NLGN1: variants seen among roughly 807,000 people sequenced by gnomAD.
The protein encoded by NLGN1 is neuroligin 1, also known as neuroligin-1.
NLGN1 carries 12 observed loss-of-function variants against 65.5 expected under a neutral mutation model. The ratio of observed to expected loss-of-function variants is 0.18; its 90% confidence interval spans 0.12 to 0.30. NLGN1 has a LOEUF of 0.30. Among genes scored for constraint, NLGN1 ranks in the 10% least tolerant of loss-of-function variants. The probability of loss-of-function intolerance (pLI) is 1.00; values close to 1 mark genes in which losing one functional copy is unlikely to be tolerated. For missense variants in NLGN1, 750 were observed against 1,007.1 expected (o/e 0.74, Z 3.46); for synonymous variants, 350 against 359.5 (o/e 0.97, Z 0.30).
chr3:173,968,687 C>CTTTTTTTTTT lies in NLGN1; in HGVS notation c.646+160875_646+160884dup, dbSNP rs34662762. Among the ~76,000 whole-genome samples the CTTTTTTTTTT allele has an allele frequency of 9.4e-4, 56 of 59,474 alleles. 8 individuals carry two copies. The highest frequency in any genetic ancestry group is 3.6e-3 in the African/African-American group (50 of 13,734). 39.0% of individuals were successfully genotyped at this position (59,474 alleles called of 152,430 possible). On this transcript the variant is annotated intron_variant, in intron 4 of 6. Coordinates refer to ENST00000457714, the Ensembl canonical transcript of NLGN1. ...ACACCCCACAATTACTGAAAATAAT[C>CTTTTTTTTTT]TTTTTTTTTTTTTTTTTTTTTTTTT...
intron 2 of NLGN1, among the ~76,000 whole-genome samples, chr3:173,496,041 G>C (rs1165253391): frequency 6.6e-6 from 1 of 151,304 alleles, no homozygotes; most frequent in Non-Finnish European, 1.5e-5. Flanking sequence ...ATCTATGCTT[G>C]TTCTCATCTC....
chr3:174,079,731 T>C (rs1741748821), intron 4 of NLGN1, among the ~76,000 whole-genome samples: 2 of 152,180 alleles, frequency 1.3e-5, no homozygotes, highest in Non-Finnish European at 2.9e-5. Context: ...TTATGTCCTT[T>C]GCAGGAACAT....
At chr3:174,250,991 G>T (rs1443377370) in intron 4 of NLGN1, among the ~76,000 whole-genome samples, 3 of 147,140 alleles carry the variant, frequency 2.0e-5, no homozygotes, top group Middle Eastern at 3.2e-3. Flanking sequence ...ATTGTCAAAC[G>T]TGCACCTATA....
chr3:173,640,936 A>G (rs151196977), intron 3 of NLGN1, among the ~76,000 whole-genome samples: 154 of 152,290 alleles, frequency 1.0e-3, no homozygotes, highest in African/African-American at 3.5e-3. Context: ...TTATGATACT[A>G]TATATTTGAA....
At chr3:173,619,738 T>A (rs1174997998) in intron 3 of NLGN1, among the ~76,000 whole-genome samples, 1 of 152,184 alleles carries the variant, frequency 6.6e-6, no homozygotes, top group Non-Finnish European at 1.5e-5. Context: ...GACTGTGCCC[T>A]TAGCCACTCA....
Position 174,083,141 on chromosome 3 carries a change from A to G in NLGN1, c.647-192174A>G, listed in dbSNP as rs142218375. 3.1e-4 allele frequency among the ~76,000 whole-genome samples: 47 copies of G among 152,314 alleles called. 1 individual carries two copies. Among genetic ancestry groups the G allele is most frequent in the Admixed American group, 3.1e-3 (47 of 15,298 alleles). On this transcript the variant is annotated intron_variant, in intron 4 of 6. Coordinates refer to ENST00000457714, the Ensembl canonical transcript of NLGN1. Reference sequence around the variant, plus strand: ...AATAAATATCAGACATATAACATATATGTTAGAAAATGACATGTATAGTAG... The same window carrying G: ...AATAAATATCAGACATATAACATATGTGTTAGAAAATGACATGTATAGTAG...
chr3:173,925,081 G>T (rs1195839379), intron 4 of NLGN1, among the ~76,000 whole-genome samples: 1 of 152,002 alleles, frequency 6.6e-6, no homozygotes, highest in African/African-American at 2.4e-5. Context: ...ACACAAAATG[G>T]ATCAAACCTA....
At chr3:173,584,326 T>A (rs1457620932) in intron 2 of NLGN1, among the ~76,000 whole-genome samples, 1 of 149,274 alleles carries the variant, frequency 6.7e-6, no homozygotes, top group Admixed American at 6.7e-5. Context: ...ACTAGGGGTA[T>A]CTTTGTACCA....
chr3:174,121,874 G>A (rs1717853096), intron 4 of NLGN1, among the ~76,000 whole-genome samples: 1 of 152,110 alleles, frequency 6.6e-6, no homozygotes, highest in Non-Finnish European at 1.5e-5. Context: ...TTGTAGAGCT[G>A]AGCCTACATG....
chr3:173,899,930 G>A (rs1737022835), intron 4 of NLGN1, among the ~76,000 whole-genome samples: 1 of 152,044 alleles, frequency 6.6e-6, no homozygotes, highest in South Asian at 2.1e-4. Flanking sequence ...TATGAAACAT[G>A]TAAACAAAGA....
chr3:174,052,851 T>C (rs1163741400), intron 4 of NLGN1, among the ~76,000 whole-genome samples: 1 of 152,034 alleles, frequency 6.6e-6, no homozygotes, highest in African/African-American at 2.4e-5. Context: ...TTTGGCTTAA[T>C]CAGTGGATAT....
At chr3:174,140,337 C>T (rs778724226) in intron 4 of NLGN1, among the ~76,000 whole-genome samples, 1 of 152,040 alleles carries the variant, frequency 6.6e-6, no homozygotes, top group African/African-American at 2.4e-5. Flanking sequence ...TTATTTATTT[C>T]ATGCAGAACT....
intron 4 of NLGN1, among the ~76,000 whole-genome samples, chr3:174,049,679 T>C (rs924518286): frequency 1.3e-5 from 2 of 152,116 alleles, no homozygotes; most frequent in Non-Finnish European, 2.9e-5. Flanking sequence ...TCAGAATTGA[T>C]TATGCATATT....
chr3:173,872,192 A>C (rs550510969), intron 4 of NLGN1, among the ~76,000 whole-genome samples: 3 of 152,332 alleles, frequency 2.0e-5, no homozygotes, highest in African/African-American at 7.2e-5. Flanking sequence ...AATGGCAGGC[A>C]CATGTCTAAG....
intron 3 of NLGN1, among the ~76,000 whole-genome samples, chr3:173,655,147 C>T (rs1387200949): frequency 6.6e-6 from 1 of 151,916 alleles, no homozygotes; most frequent in Non-Finnish European, 1.5e-5. Flanking sequence ...GGGAGGACCT[C>T]AGAAGGGGAA....
At chr3:173,745,420 TTAAA>T (rs772964411) in intron 3 of NLGN1, among the ~76,000 whole-genome samples, 1 of 152,146 alleles carries the variant, frequency 6.6e-6, no homozygotes, top group Non-Finnish European at 1.5e-5. Flanking sequence ...ACTAATTTAA[TTAAA>T]TAAATTAATT....
chr3:174,113,068 A>T (rs1715598581), intron 4 of NLGN1, among the ~76,000 whole-genome samples: 3 of 151,870 alleles, frequency 2.0e-5, no homozygotes, highest in Admixed American at 2.0e-4. Flanking sequence ...GGATGGAGGG[A>T]TTAGTAAGGA....
intron 3 of NLGN1, among the ~76,000 whole-genome samples, chr3:173,637,752 G>A (rs1240864809): frequency 6.6e-6 from 1 of 152,110 alleles, no homozygotes; most frequent in Non-Finnish European, 1.5e-5. Context: ...AGTTGCATGG[G>A]CTAGGTATAC....
intron 3 of NLGN1, among the ~76,000 whole-genome samples, chr3:173,721,669 G>A (rs1770855176): frequency 6.6e-6 from 1 of 152,102 alleles, no homozygotes; most frequent in Admixed American, 6.5e-5. Context: ...AATTATTTAT[G>A]GAGATTGTTA....
Sources: gnomAD v4.1 joint callset for allele counts (sites outside exome capture counted in the v4.1 genomes callset) on GRCh38, gnomAD v4.1.1 for gene constraint, MANE v1.5 for transcripts, NCBI Gene and HGNC (gene_info 2026-07-23, HGNC 2026-07-21) for gene names.